Variants in TRAK1 observed in about 807,000 individuals in gnomAD.
TRAK1 encodes the protein trafficking kinesin-binding protein 1.
TRAK1 carries 33 observed loss-of-function variants against 92.1 expected under a neutral mutation model. The ratio of observed to expected loss-of-function variants is 0.36; its 90% CI spans 0.27 to 0.48. The LOEUF (loss-of-function observed/expected upper bound fraction) is 0.48. TRAK1 is among the 20% of genes least tolerant of loss of function. The pLI is 0.99. For synonymous variants in TRAK1, 521 were observed against 517.3 expected, an observed-to-expected ratio of 1.01 and a Z score of -0.10; for missense variants, 1,123 against 1,257.9, an observed-to-expected ratio of 0.89 and a Z score of 1.62.
At chr3:42,183,220 G>C (rs1054275066) in intron 3 of TRAK1, among the ~76,000 whole-genome samples, 1 of 152,094 alleles carries the variant, frequency 6.6e-6, no homozygotes, top group Non-Finnish European at 1.5e-5. Context: ...TACTAAAATG[G>C]TTTCTTAACC....
intron 1 of TRAK1, among the ~76,000 whole-genome samples, chr3:42,114,062 A>G (rs1246462355): frequency 6.6e-6 from 1 of 152,156 alleles, no homozygotes; most frequent in African/African-American, 2.4e-5. Context: ...TGGACATTTC[A>G]TATGAATGGA....
upstream of TRAK1, among the ~76,000 whole-genome samples, chr3:42,086,280 T>A (rs1704669005): frequency 6.6e-6 from 1 of 152,034 alleles, no homozygotes. Flanking sequence ...AGGGTGAGTC[T>A]GTAGTTTTCA....
At chr3:42,058,330 A>G (rs1459569753) in intron 1 of TRAK1, among the ~76,000 whole-genome samples, 1 of 150,884 alleles carries the variant, frequency 6.6e-6, no homozygotes, top group Non-Finnish European at 1.5e-5. Context: ...TTATTTTTAA[A>G]TTTAATTTAA....
chr3:42,187,894 TGAATAGCA>T, intron 4 of TRAK1, 143 bp from the exon 5 acceptor site: 2 of 686,248 alleles, frequency 2.9e-6, no homozygotes, highest in Admixed American at 2.3e-5. Context: ...CCTCTTTTTT[TGAATAGCA>T]CAAAATCAGT....
intron 1 of TRAK1, among the ~76,000 whole-genome samples, chr3:42,118,407 A>G (rs893468009): frequency 2.6e-5 from 4 of 152,206 alleles, no homozygotes; most frequent in African/African-American, 7.2e-5. Flanking sequence ...CTGTATTTAC[A>G]TGAGGTTCTC....
At chr3:42,036,884 G>T (rs1404147721) in intron 1 of TRAK1, among the ~76,000 whole-genome samples, 2 of 151,934 alleles carry the variant, frequency 1.3e-5, no homozygotes, top group Admixed American at 1.3e-4. Flanking sequence ...TGAGTAGCTA[G>T]GATTACAGGT....
At chr3:42,144,389 T>C (rs905345089) in intron 2 of TRAK1, among the ~76,000 whole-genome samples, 1 of 152,180 alleles carries the variant, frequency 6.6e-6, no homozygotes, top group Non-Finnish European at 1.5e-5. Context: ...TAGCTTCCCC[T>C]GTCTCTGTGG....
At chr3:42,138,378 G>A (rs9311297) in intron 2 of TRAK1, among the ~76,000 whole-genome samples, 74,013 of 151,972 alleles carry the variant, frequency 0.49, 18,299 homozygotes, top group South Asian at 0.61. Context: ...TTCCCAGGGC[G>A]TTGTATTGAA....
At position 42,048,148 on chromosome 3, in the gene TRAK1, A is replaced by G. The variant is rs571291461; in HGVS notation, c.-519+34031A>G. ...TTTTGCCTGTTCTTAAGAACTTGATATGTATGTTGTCTTTTTCAATCTGCA... is the reference window on the plus strand; with the variant it reads ...TTTTGCCTGTTCTTAAGAACTTGATGTGTATGTTGTCTTTTTCAATCTGCA... On this transcript the variant is annotated intron_variant, in intron 1 of 16. Transcript: ENST00000487159. 2.0e-5 allele frequency among the ~76,000 whole-genome samples: 3 copies of G among 152,176 alleles called. No individual in the cohort carries two copies. In the South Asian group the frequency reaches 6.2e-4, roughly 32 times the overall value.
intron 2 of TRAK1, among the ~76,000 whole-genome samples, chr3:42,170,347 C>T (rs1473904151): frequency 1.3e-5 from 2 of 152,178 alleles, no homozygotes; most frequent in Non-Finnish European, 2.9e-5. Flanking sequence ...CCCAGGTTGG[C>T]TCCCAGGTTC....
chr3:42,096,306 G>A (rs1705903081), intron 1 of TRAK1, among the ~76,000 whole-genome samples: 1 of 152,158 alleles, frequency 6.6e-6, no homozygotes, highest in African/African-American at 2.4e-5. Flanking sequence ...AGGCTGGAGT[G>A]TAGTAGTGTG....
intron 1 of TRAK1, among the ~76,000 whole-genome samples, chr3:42,056,448 T>C (rs1703209671): frequency 6.6e-6 from 1 of 152,184 alleles, no homozygotes; most frequent in Non-Finnish European, 1.5e-5. Flanking sequence ...ATGTTGAGCA[T>C]TTTTTCATGT....
rs537037086 is a variant in TRAK1 at position 42,223,115 on chromosome 3, G to A, written c.2240G>A (p.Arg747Gln). 3 of 1,614,012 alleles carry A rather than the reference G, an allele frequency of 1.9e-6. No individual in the cohort carries two copies. The highest frequency in any genetic ancestry group is 2.2e-5 in the East Asian group (1 of 44,864). Residue 747 changes from arginine (R) to glutamine (Q), a missense_variant, in exon 16 of 16, where the codon CGG (arginine) becomes CAG (glutamine). Transcript: ENST00000327628. This position sits in a 1 kb window ranked among gnomAD's most constrained non-coding sequence, Gnocchi z 6.1. ...SLGLVWLLKE[R>Q]GISAAVYDPQ... is the part of the protein sequence containing the mutation. ...GGGCTCGTGTGGCTGTTGAAGGAGC[G>A]GGGCATTTCTGCTGCCGTGTACGAC...
intron 2 of TRAK1, among the ~76,000 whole-genome samples, chr3:42,128,060 TC>T (rs895559022): frequency 4.3e-4 from 65 of 152,142 alleles, no homozygotes; most frequent in African/African-American, 1.6e-3. Context: ...ATGCCTGTAA[TC>T]CCAGCTACTT....
At position 42,207,982 on chromosome 3, in the gene TRAK1, A is replaced by G. The variant is rs529245688; in HGVS notation, c.1745-1785A>G. Among the ~76,000 whole-genome samples the G allele has an allele frequency of 1.4e-4, 21 of 152,254 alleles. No homozygotes were observed. The East Asian group carries it at 4.1e-3, about 29-fold the overall frequency. On this transcript the variant is annotated intron_variant, in intron 13 of 15. Coordinates refer to ENST00000327628, the MANE Select transcript of TRAK1 (RefSeq NM_001042646.3). ...ACCCCCTAGATGCCATTAGCACCAGATGCCGTTCGTCCACAGCTGTGACAA... is the reference window on the plus strand; with the variant it reads ...ACCCCCTAGATGCCATTAGCACCAGGTGCCGTTCGTCCACAGCTGTGACAA...
chr3:42,180,954 C>T (rs1703915436), intron 3 of TRAK1, among the ~76,000 whole-genome samples: 1 of 152,054 alleles, frequency 6.6e-6, no homozygotes, highest in African/African-American at 2.4e-5. Context: ...CTAAAGATTA[C>T]ATTTCTGGTA....
chr3:42,018,431 T>G (rs1701609413), intron 1 of TRAK1, among the ~76,000 whole-genome samples: 1 of 152,106 alleles, frequency 6.6e-6, no homozygotes, highest in South Asian at 2.1e-4. Context: ...TCCAGGACAT[T>G]CAACAGGAGA....
intron 1 of TRAK1, among the ~76,000 whole-genome samples, chr3:42,077,241 A>G (rs1488095404): frequency 6.6e-6 from 1 of 152,154 alleles, no homozygotes; most frequent in Non-Finnish European, 1.5e-5. Flanking sequence ...CAGTATGGTT[A>G]TTTTAATTAT....
intron 1 of TRAK1, among the ~76,000 whole-genome samples, chr3:42,067,323 A>G (rs940487474): frequency 6.6e-6 from 1 of 152,220 alleles, no homozygotes; most frequent in African/African-American, 2.4e-5. Context: ...AATTATGGTT[A>G]AGCACATTTT....
Sources: gnomAD v4.1 joint callset for allele counts (sites outside exome capture counted in the v4.1 genomes callset) on GRCh38, gnomAD v4.1.1 for gene constraint, Gnocchi (gnomAD v3.1) non-coding constraint, MANE v1.5 for transcripts, NCBI Gene and HGNC (gene_info 2026-07-23, HGNC 2026-07-21) for gene names.